The following RNF40 variants were observed in gnomAD, a reference collection of about 807,000 sequenced individuals.
RNF40 encodes the protein ring finger protein 40.
RNF40 carries 39 observed loss-of-function variants against 123.3 expected under a neutral mutation model. The observed-to-expected ratio is 0.32, with a 90% CI of 0.24 to 0.41. RNF40 has a LOEUF of 0.41. RNF40 is among the 10% of genes least tolerant of loss of function. The pLI is 1.00. For synonymous variants in RNF40, 538 were observed against 526.0 expected (o/e 1.02, Z -0.31); for missense variants, 1,003 against 1,319.9 (o/e 0.76, Z 3.72).
chr16:30,770,859 C>T (rs1465755745), intron 17 of RNF40, among the ~76,000 whole-genome samples: 1 of 152,094 alleles, frequency 6.6e-6, no homozygotes, highest in Non-Finnish European at 1.5e-5. Flanking sequence ...CTACAGGAGC[C>T]TGCCACCTCG....
intron 11 of RNF40, chr16:30,767,689 G>A (rs1024834507): frequency 2.4e-5 from 13 of 540,086 alleles, no homozygotes; most frequent in South Asian, 9.0e-5. Flanking sequence ...AGCAAAAATC[G>A]TATGAATAGG....
At chr16:30,761,941 G>A, upstream of RNF40, 1 of 600,762 alleles carries the variant, frequency 1.7e-6, no homozygotes, top group Non-Finnish European at 2.9e-6. Context: ...TTGCCAAGGG[G>A]GCTTGTGAGG....
At position 30,774,380 on chromosome 16, in the gene RNF40, A is replaced by G. The variant is rs2054199651; in HGVS notation, c.*266A>G. 4.7e-6 allele frequency: 2 copies of G among 426,540 alleles called. No individual in the cohort carries two copies. The highest frequency in any genetic ancestry group is 8.4e-6 in the Non-Finnish European group (2 of 237,092). The allele number at this position is 426,540 out of a possible 1,614,324, so 26.4% of individuals were successfully genotyped here. A position where few individuals can be genotyped will look rare whatever the true frequency, so the allele number is the denominator to read the frequency against. ...TCTGCCTGAGAGGCCTGAGGAGCCC[A>G]GAGCACTTGACTGAGCTTCCCGGAA... On this transcript the variant is annotated 3_prime_UTR_variant, in exon 20 of 20. Coordinates refer to ENST00000324685, the MANE Select transcript of RNF40 (RefSeq NM_014771.4).
Position 30,762,369 on chromosome 16 carries a change from T to C in RNF40, c.-72+9T>C. 2 of 632,406 alleles carry C rather than the reference T, an allele frequency of 3.2e-6. No individual in the cohort carries two copies. Among genetic ancestry groups the C allele is most frequent in the East Asian group, 3.4e-5 (1 of 29,684 alleles). The allele number at this position is 632,406 out of a possible 1,614,324, so 39.2% of individuals were successfully genotyped here. A position where few individuals can be genotyped will look rare whatever the true frequency, so the allele number is the denominator to read the frequency against. On this transcript the variant is annotated intron_variant, in intron 1 of 19. Transcript: ENST00000324685. ...GGCTGACCCTCCTGCTGGTGAGGGC[T>C]CTGGCGCCGGGGGGGACGGGATCCA...
Position 30,768,419 on chromosome 16 carries a change from G to A in RNF40, c.1868G>A (p.Gly623Glu). 1 of 1,613,818 alleles carries A rather than the reference G, an allele frequency of 6.2e-7. No homozygotes were observed. The highest frequency in any genetic ancestry group is 8.5e-7 in the Non-Finnish European group (1 of 1,179,928). ...CGGGAACGGGAAGGTCCCAGCCTAG[G>A]ACCTCCACCTGTAGCCTCCGCTCTC... is the stretch of plus-strand genomic sequence containing the variant. ...ELREREGPSL[G>E]PPPVASALSR... Residue 623 changes from glycine (G) to glutamate (E), a missense_variant, in exon 13 of 20, where the codon GGA becomes GAA. Gly to Glu is a moderately conservative substitution (Grantham distance 98). Transcript: ENST00000324685. This position sits in a 1 kb window ranked among gnomAD's most constrained non-coding sequence, Gnocchi z 4.1.
At chr16:30,765,130 C>G in intron 6 of RNF40, 51 bp from the exon 7 acceptor site, 2 of 1,611,642 alleles carry the variant, frequency 1.2e-6, no homozygotes, top group Non-Finnish European at 1.7e-6. Flanking sequence ...CACTCAGGGA[C>G]CTCAGGAACC....
rs781429315 is a variant in RNF40 at position 30,767,964 on chromosome 16, C to T, written c.1500C>T (p.Asp500=). Residue 500 remains aspartate, a synonymous_variant, in exon 12 of 20, where the codon GAC becomes GAT. Coordinates refer to ENST00000324685, the MANE Select transcript of RNF40 (RefSeq NM_014771.4). ...LQNHNHQLKG[D]AQRYKRKLRE... ...ACCACAACCACCAGCTAAAAGGGGA[C>T]GCCCAGCGATACAAGCGGAAGCTTC... The T allele has an allele frequency of 1.4e-5, 22 of 1,614,056 alleles. No individual in the cohort carries two copies. Among genetic ancestry groups the T allele is most frequent in the Admixed American group, 8.3e-5 (5 of 60,008 alleles).
rs1345080626 is a variant in RNF40, at chr16:30,774,848, A to G, written c.*734A>G. The G allele has an allele frequency of 1.3e-5, 5 of 398,262 alleles. No homozygotes were observed. In the Admixed American group the frequency reaches 1.5e-4, roughly 12 times the overall value. 24.7% of individuals were successfully genotyped at this position (398,262 alleles called of 1,614,324 possible). A position where few individuals can be genotyped will look rare whatever the true frequency, so the allele number is the denominator to read the frequency against. On this transcript the variant is annotated 3_prime_UTR_variant, in exon 20 of 20. Transcript: ENST00000324685. ...AAGCCCATTTACCCCCACCTCATGC[A>G]TCCCAAGGCTCTACTGGGTCCCTGG...
chr16:30,763,255 A>C lies in RNF40; in HGVS notation c.270A>C (p.Thr90=). Residue 90 remains threonine, a synonymous_variant, in exon 3 of 20, where the codon ACA becomes ACC. Coordinates refer to ENST00000324685, the MANE Select transcript of RNF40 (RefSeq NM_014771.4). The stretch of plus-strand genomic sequence containing the variant: ...AGCGGCAGGCCACAGATGATGCCAC[A>C]CTCCTCATCGTCAATCGCTACTGGG... ...LEKRQATDDA[T]LLIVNRYWAQ... is the part of the protein sequence containing the mutation. 2 of 1,613,732 alleles carry C rather than the reference A, an allele frequency of 1.2e-6. No homozygotes were observed. The highest frequency in any genetic ancestry group is 1.7e-6 in the Non-Finnish European group (2 of 1,179,952).
At chr16:30,762,277 T>TGC (rs1555470687), upstream of RNF40, 1,262 of 401,314 alleles carry the variant, frequency 3.1e-3, 3 homozygotes, top group Non-Finnish European at 4.2e-3. Context: ...TGCGCACCGT[T>TGC]GGGGGGGGGG....
chr16:30,764,887 G>C (rs1323073649), intron 5 of RNF40, 51 bp from the exon 6 acceptor site: 1 of 1,582,016 alleles, frequency 6.3e-7, no homozygotes, highest in African/African-American at 1.4e-5. Context: ...TGAGTTAGTT[G>C]TTTGCCCCAT....
Position 30,768,631 on chromosome 16 carries a change from G to A in RNF40, c.1992G>A (p.Glu664=), listed in dbSNP as rs774623035. Residue 664 remains glutamate, a synonymous_variant, in exon 14 of 20, where the codon GAG becomes GAA. Coordinates refer to ENST00000324685, the MANE Select transcript of RNF40 (RefSeq NM_014771.4). The surrounding 1 kb of genome is among the most constrained non-coding windows in gnomAD (Gnocchi z 4.1). ...GLRAELKKAQ[E]SQKEMKLLLD... ...ACCTTCTTGCCAGGAAGGCCCAGGA[G>A]AGCCAGAAGGAGATGAAACTGCTGC... 14 of 1,614,250 alleles carry A rather than the reference G, an allele frequency of 8.7e-6. No individual in the cohort carries two copies. The highest frequency in any genetic ancestry group is 1.2e-5 in the Non-Finnish European group (14 of 1,180,046).
chr16:30,761,887 G>C, upstream of RNF40: 12 of 858,790 alleles, frequency 1.4e-5, no homozygotes, highest in Non-Finnish European at 2.1e-5. Context: ...AGGCGCGGCG[G>C]GGCGAATCCG....
rs774027359 is a variant in RNF40 at position 30,764,199 on chromosome 16, C to T, written c.463C>T (p.Arg155Trp). Reference sequence around the variant, plus strand: ...TCCAGACCCCTTGCTGATGCAGCTGCGGCCCCCTCTCAGTGAGCCGGCCTT... The same window carrying T: ...TCCAGACCCCTTGCTGATGCAGCTGTGGCCCCCTCTCAGTGAGCCGGCCTT... ...ELRDPLLMQL[R>W]PPLSEPALAF... Residue 155 changes from arginine to tryptophan, a missense_variant, in exon 5 of 20, where the codon CGG becomes TGG. Physicochemically the swap from Arg to Trp is moderately radical, Grantham distance 101 (BLOSUM62 -3). Coordinates refer to ENST00000324685, the MANE Select transcript of RNF40 (RefSeq NM_014771.4). 23 of 1,609,982 alleles carry T rather than the reference C, an allele frequency of 1.4e-5. No homozygotes were observed. Among genetic ancestry groups the T allele is most frequent in the East Asian group, 4.5e-5 (2 of 44,732 alleles).
rs1239542241 is a variant in RNF40 at position 30,765,405 on chromosome 16, T to A, written c.919-20T>A. ...GCTCCTCCCCTCTACATCCATTGCCTGTCTGTTTTCTCTCCACAGCTTAAC... is the reference window on the plus strand; with the variant it reads ...GCTCCTCCCCTCTACATCCATTGCCAGTCTGTTTTCTCTCCACAGCTTAAC... On this transcript the variant is annotated intron_variant, in intron 7 of 19. Transcript: ENST00000324685. 6.2e-7 allele frequency: 1 copy of A among 1,614,162 alleles called. No individual in the cohort carries two copies. The highest frequency in any genetic ancestry group is 8.5e-7 in the Non-Finnish European group (1 of 1,179,976).
rs1348039510 is a variant in RNF40 at position 30,766,411 on chromosome 16, G to A, written c.1146G>A (p.Val382=). The change falls in exon 10 of 20, where the codon GTG becomes GTA. Residue 382 remains valine (V), a synonymous_variant. Coordinates refer to ENST00000324685, the MANE Select transcript of RNF40 (RefSeq NM_014771.4). The surrounding 1 kb of genome is among the most constrained non-coding windows in gnomAD (Gnocchi z 5.4). ...VALRSLPEEV[V]RETGEYRMLQ... ...TGCGGAGCCTTCCTGAGGAGGTAGTGCGGGAGACGGGGGAGTACCGCATGC... is the reference window on the plus strand; with the variant it reads ...TGCGGAGCCTTCCTGAGGAGGTAGTACGGGAGACGGGGGAGTACCGCATGC... 6.2e-7 allele frequency: 1 copy of A among 1,613,762 alleles called. No individual in the cohort carries two copies. The highest frequency in any genetic ancestry group is 8.5e-7 in the Non-Finnish European group (1 of 1,179,836).
Position 30,764,979 on chromosome 16 carries a change from C to T in RNF40, c.691C>T (p.Arg231Ter). ...CAGTGAGGCGGCTCAGGCACACACC[C>T]GAGAGCTGGGCCGTGAGAACCGGCG... ...PLSEAAQAHT[R>*]ELGRENRRLQ... Residue 231 changes from arginine (R) to a stop codon, truncating the protein, a stop_gained, in exon 6 of 20, where the codon CGA becomes TGA. Transcript: ENST00000324685. LOFTEE classifies it high-confidence loss of function. 1.9e-6 allele frequency: 3 copies of T among 1,613,224 alleles called. No homozygotes were observed. The highest frequency in any genetic ancestry group is 1.3e-5 in the African/African-American group (1 of 75,006).
At chr16:30,771,737 C>G in intron 17 of RNF40, 96 bp from the exon 18 acceptor site, 1 of 1,412,138 alleles carries the variant, frequency 7.1e-7, no homozygotes, top group Non-Finnish European at 9.5e-7. Flanking sequence ...GCAGGTGTCA[C>G]TGGGGCCCTG....
At chr16:30,771,801 C>G (rs2054152702) in intron 17 of RNF40, 32 bp from the exon 18 acceptor site, 4 of 1,531,234 alleles carry the variant, frequency 2.6e-6, no homozygotes, top group Non-Finnish European at 3.5e-6. Flanking sequence ...CAGGCTCAGA[C>G]CAGTGCCTCC....
Sources: gnomAD v4.1 joint callset for allele counts (sites outside exome capture counted in the v4.1 genomes callset) on GRCh38, gnomAD v4.1.1 for gene constraint, Gnocchi (gnomAD v3.1) non-coding constraint, MANE v1.5 for transcripts, NCBI Gene and HGNC (gene_info 2026-07-23, HGNC 2026-07-21) for gene names.